The following MRAP2 variants were observed in gnomAD, a reference collection of about 807,000 sequenced individuals.
The protein encoded by MRAP2 is melanocortin 2 receptor accessory protein 2, also known as melanocortin-2 receptor accessory protein 2.
Under a neutral mutation model 17.4 loss-of-function variants are expected in MRAP2, and 20 were observed. That is an observed-to-expected ratio of 1.15 (90% CI 0.81 to 1.67). The LOEUF (loss-of-function observed/expected upper bound fraction) is 1.67, where lower values mean the gene tolerates loss of function less well. Ranked by LOEUF, MRAP2 falls within the 40% of genes most tolerant of loss-of-function variation. The probability of loss-of-function intolerance (pLI) is 0.00; values close to 1 mark genes in which losing one functional copy is unlikely to be tolerated. For missense variants in MRAP2, 238 were observed against 240.0 expected, an observed-to-expected ratio of 0.99 and a Z score of 0.05; for synonymous variants, 96 against 88.4, an observed-to-expected ratio of 1.09 and a Z score of -0.48.
intron 3 of MRAP2, among the ~76,000 whole-genome samples, chr6:84,077,540 T>G (rs911554450): frequency 6.6e-6 from 1 of 152,208 alleles, no homozygotes; most frequent in Non-Finnish European, 1.5e-5. Flanking sequence ...ACAAGCATGA[T>G]CTACATCTCC....
intron 3 of MRAP2, among the ~76,000 whole-genome samples, chr6:84,064,043 T>TAA (rs200016109): frequency 6.8e-6 from 1 of 148,140 alleles, no homozygotes; most frequent in African/African-American, 2.6e-5. Flanking sequence ...AGACTCTGTC[T>TAA]AAAAAAAAGA....
At chr6:84,104,466 C>T in the MRAP2 span, among the ~76,000 whole-genome samples, 5 of 152,196 alleles carry the variant, frequency 3.3e-5, no homozygotes, top group Non-Finnish European at 5.9e-5. Context: ...TCTTTTCTAT[C>T]GCATAGTTAG....
At chr6:84,076,922 T>A (rs2099497780) in intron 3 of MRAP2, among the ~76,000 whole-genome samples, 1 of 152,214 alleles carries the variant, frequency 6.6e-6, no homozygotes, top group African/African-American at 2.4e-5. Context: ...CTGTCTTGAT[T>A]TGTCTTCAGG....
intron 3 of MRAP2, among the ~76,000 whole-genome samples, chr6:84,085,204 G>A (rs1015600723): frequency 2.0e-5 from 3 of 151,892 alleles, no homozygotes; most frequent in East Asian, 1.9e-4. Flanking sequence ...ACAGGCACCC[G>A]CCACTGTGCC....
At chr6:84,110,818 T>C in the MRAP2 span, among the ~76,000 whole-genome samples, 2 of 152,230 alleles carry the variant, frequency 1.3e-5, no homozygotes, top group African/African-American at 4.8e-5. Context: ...TTTCTGCATA[T>C]GGCTAGCCTG....
downstream of MRAP2, among the ~76,000 whole-genome samples, chr6:84,094,146 A>G (rs1028559313): frequency 6.6e-6 from 1 of 152,176 alleles, no homozygotes; most frequent in African/African-American, 2.4e-5. Flanking sequence ...CCTAGTTAGT[A>G]CTTAAATGGA....
the MRAP2 span, among the ~76,000 whole-genome samples, chr6:84,100,005 G>A: frequency 7.9e-5 from 12 of 152,036 alleles, no homozygotes; most frequent in East Asian, 1.9e-4. Context: ...GATTACAGGC[G>A]CATGCCCCCA....
intron 2 of MRAP2, among the ~76,000 whole-genome samples, chr6:84,062,297 G>C (rs2099493358): frequency 6.6e-6 from 1 of 152,200 alleles, no homozygotes; most frequent in Non-Finnish European, 1.5e-5. Flanking sequence ...GCAGACAGCT[G>C]TTCAAATGGT....
At chr6:84,115,771 T>A in the MRAP2 span, among the ~76,000 whole-genome samples, 11 of 152,176 alleles carry the variant, frequency 7.2e-5, no homozygotes, top group Admixed American at 1.3e-4. Flanking sequence ...GTACAACATC[T>A]GGGCTGGAGT....
the MRAP2 span, among the ~76,000 whole-genome samples, chr6:84,100,149 C>T: frequency 6.6e-6 from 1 of 152,188 alleles, no homozygotes; most frequent in African/African-American, 2.4e-5. Flanking sequence ...CATGAGCCAC[C>T]ATACCCAGCC....
the MRAP2 span, among the ~76,000 whole-genome samples, chr6:84,117,949 G>C: frequency 1.3e-5 from 2 of 152,182 alleles, no homozygotes; most frequent in African/African-American, 4.8e-5. Flanking sequence ...ACCCAGTTAG[G>C]AGGAACGGGA....
At chr6:84,117,913 G>A in the MRAP2 span, among the ~76,000 whole-genome samples, 1 of 152,200 alleles carries the variant, frequency 6.6e-6, no homozygotes, top group African/African-American at 2.4e-5. Flanking sequence ...GTAGGAGGTG[G>A]CTGGAGAACC....
At position 84,063,406 on chromosome 6, in the gene MRAP2, G is replaced by A; in HGVS notation, c.227+414G>A. 4 of 985,366 alleles carry A rather than the reference G, an allele frequency of 4.1e-6. No homozygotes were observed. In the South Asian group the frequency reaches 1.4e-4, roughly 35 times the overall value. 61.0% of individuals were successfully genotyped at this position (985,366 alleles called of 1,614,324 possible). A position where few individuals can be genotyped will look rare whatever the true frequency, so the allele number is the denominator to read the frequency against. ...TTTAAAAATTATTTCAAGAAGCAGA[G>A]TAATAGTTGTTCCTGGATACTCAAC... is the stretch of plus-strand genomic sequence containing the variant. On this transcript the variant is annotated intron_variant, in intron 3 of 3. Coordinates refer to ENST00000257776, the MANE Select transcript of MRAP2 (RefSeq NM_138409.4).
the MRAP2 span, chr6:84,126,395 C>T: frequency 1.3e-6 from 2 of 1,595,200 alleles, no homozygotes; most frequent in South Asian, 2.3e-5. Context: ...AGTTCCTGTT[C>T]TCTTTGTGCA....
chr6:84,037,261 A>G (rs1334250219), intron 1 of MRAP2, among the ~76,000 whole-genome samples: 6 of 146,224 alleles, frequency 4.1e-5, no homozygotes, highest in Non-Finnish European at 7.8e-5. Flanking sequence ...AAGTTCTCCA[A>G]GTCCCCACCA....
intron 3 of MRAP2, among the ~76,000 whole-genome samples, chr6:84,087,170 T>C (rs532343714): frequency 6.6e-5 from 10 of 152,206 alleles, no homozygotes; most frequent in African/African-American, 2.2e-4. Flanking sequence ...CAGCACAGTT[T>C]GGTTTTATCC....
chr6:84,052,004 G>T (rs2099490550), intron 1 of MRAP2, among the ~76,000 whole-genome samples: 1 of 152,342 alleles, frequency 6.6e-6, no homozygotes, highest in Admixed American at 6.5e-5. Context: ...GCTTTCGGAT[G>T]CAGTCCTAAT....
chr6:84,124,998 T>C, the MRAP2 span: 22 of 1,098,890 alleles, frequency 2.0e-5, no homozygotes, highest in East Asian at 5.2e-4. Context: ...TTTCATAAGC[T>C]GTCCTGACAG....
At chr6:84,068,128 G>A (rs9449767) in intron 3 of MRAP2, among the ~76,000 whole-genome samples, 4,675 of 152,038 alleles carry the variant, frequency 0.031, 223 homozygotes, top group African/African-American at 0.1. Flanking sequence ...TTATCCCAGC[G>A]CCATTTGTTC....
Sources: gnomAD v4.1 joint callset for allele counts (sites outside exome capture counted in the v4.1 genomes callset) on GRCh38, gnomAD v4.1.1 for gene constraint, MANE v1.5 for transcripts, NCBI Gene and HGNC (gene_info 2026-07-23, HGNC 2026-07-21) for gene names.